Variants in DLG2 observed in about 807,000 individuals in gnomAD.
DLG2 encodes the protein disks large homolog 2.
Under a neutral mutation model 132.5 loss-of-function variants are expected in DLG2, and 45 were observed. The ratio of observed to expected loss-of-function variants is 0.34; its 90% CI spans 0.27 to 0.44. DLG2 has a LOEUF of 0.44. Ranked by LOEUF, DLG2 falls within the 20% of genes least tolerant of loss-of-function variation. DLG2 has a pLI of 1.00. For missense variants in DLG2, 1,045 were observed against 1,196.9 expected (o/e 0.87, Z 1.87); for synonymous variants, 424 against 419.6 (o/e 1.01, Z -0.13).
chr11:84,824,523 T>G (rs139011509), intron 6 of DLG2, among the ~76,000 whole-genome samples: 1 of 151,864 alleles, frequency 6.6e-6, no homozygotes, highest in Non-Finnish European at 1.5e-5. Flanking sequence ...CTTGAGAAGG[T>G]TGCTTTTTAT....
chr11:85,201,384 G>C (rs1176287064), intron 4 of DLG2, among the ~76,000 whole-genome samples: 1 of 152,096 alleles, frequency 6.6e-6, no homozygotes, highest in African/African-American at 2.4e-5. Context: ...CTGTGCTGGA[G>C]CCTACATGTA....
At chr11:85,300,070 T>C (rs2079491913) in intron 3 of DLG2, among the ~76,000 whole-genome samples, 1 of 152,208 alleles carries the variant, frequency 6.6e-6, no homozygotes, top group African/African-American at 2.4e-5. Context: ...TTCTTAAGTA[T>C]TGACTGTGTG....
intron 9 of DLG2, among the ~76,000 whole-genome samples, chr11:84,119,899 A>G (rs1159138800): frequency 6.6e-6 from 1 of 152,220 alleles, no homozygotes. Flanking sequence ...AATTCCTCTG[A>G]TATGAAATGC....
At chr11:84,211,349 C>CTATTATACT (rs2096752031) in intron 8 of DLG2, among the ~76,000 whole-genome samples, 1 of 152,212 alleles carries the variant, frequency 6.6e-6, no homozygotes, top group African/African-American at 2.4e-5. Context: ...ACCTCCTTCC[C>CTATTATACT]TGCTCAGATT....
chr11:84,500,019 A>G (rs2099198607), intron 7 of DLG2, among the ~76,000 whole-genome samples: 1 of 152,110 alleles, frequency 6.6e-6, no homozygotes, highest in Non-Finnish European at 1.5e-5. Flanking sequence ...ATTTTTCTGG[A>G]GATACGGAGA....
chr11:84,603,896 T>G (rs1231818702), intron 6 of DLG2, among the ~76,000 whole-genome samples: 1 of 151,902 alleles, frequency 6.6e-6, no homozygotes, highest in Non-Finnish European at 1.5e-5. Flanking sequence ...AAACAAATAT[T>G]CAATAATACA....
intron 11 of DLG2, among the ~76,000 whole-genome samples, chr11:83,988,845 T>C (rs2093523103): frequency 6.6e-6 from 1 of 152,166 alleles, no homozygotes; most frequent in South Asian, 2.1e-4. Context: ...CCTGCTCTAG[T>C]TTTCATTTTC....
intron 7 of DLG2, among the ~76,000 whole-genome samples, chr11:84,435,046 T>C (rs1313967905): frequency 1.3e-5 from 2 of 152,080 alleles, no homozygotes; most frequent in African/African-American, 4.8e-5. Context: ...AGTATACTGG[T>C]CATTTTCTAA....
intron 18 of DLG2, among the ~76,000 whole-genome samples, chr11:83,656,833 C>T (rs560750972): frequency 1.3e-5 from 2 of 152,308 alleles, no homozygotes; most frequent in South Asian, 2.1e-4. Context: ...TTGTCAACCC[C>T]TTTGCTTAGC....
intron 15 of DLG2, among the ~76,000 whole-genome samples, chr11:83,927,282 G>A (rs1053503570): frequency 6.6e-6 from 1 of 152,146 alleles, no homozygotes; most frequent in African/African-American, 2.4e-5. Flanking sequence ...CGCTTACAGT[G>A]TAGCAGGTGA....
intron 19 of DLG2, among the ~76,000 whole-genome samples, chr11:83,624,035 G>A (rs2062079097): frequency 2.0e-5 from 3 of 152,344 alleles, no homozygotes; most frequent in Middle Eastern, 3.4e-3. Flanking sequence ...TGGGATTAGT[G>A]GAGAGGTAAG....
At chr11:83,742,274 T>C (rs936011131) in intron 18 of DLG2, among the ~76,000 whole-genome samples, 1 of 151,626 alleles carries the variant, frequency 6.6e-6, no homozygotes, top group African/African-American at 2.4e-5. Context: ...GCTATGTTAA[T>C]TTGACTGACT....
intron 6 of DLG2, among the ~76,000 whole-genome samples, chr11:84,664,073 G>A (rs1262510068): frequency 1.3e-5 from 2 of 152,138 alleles, no homozygotes; most frequent in Non-Finnish European, 2.9e-5. Flanking sequence ...TATACCTTAA[G>A]AGGCTTCCTT....
chr11:83,632,172 T>A (rs187136338), intron 19 of DLG2: 134 of 152,312 alleles, frequency 8.8e-4, no homozygotes, highest in African/African-American at 3.1e-3. Context: ...AGAATCCCAC[T>A]CCCTTCTTAG....
At chr11:85,136,744 G>A (rs2076166474) in intron 5 of DLG2, among the ~76,000 whole-genome samples, 1 of 152,086 alleles carries the variant, frequency 6.6e-6, no homozygotes, top group African/African-American at 2.4e-5. Flanking sequence ...GTTTCCAACA[G>A]GGAAAAATAT....
intron 6 of DLG2, among the ~76,000 whole-genome samples, chr11:84,840,595 T>C (rs2080501949): frequency 6.6e-6 from 1 of 152,156 alleles, no homozygotes; most frequent in Non-Finnish European, 1.5e-5. Flanking sequence ...CCAACCCAAA[T>C]GTCAATCAAT....
At chr11:85,370,063 T>A (rs1297636927) in intron 3 of DLG2, among the ~76,000 whole-genome samples, 4 of 152,192 alleles carry the variant, frequency 2.6e-5, no homozygotes, top group African/African-American at 9.7e-5. Flanking sequence ...GGTTTTTGGG[T>A]TTTGAAAAGT....
At chr11:84,912,981 T>G (rs113084910) in intron 6 of DLG2, among the ~76,000 whole-genome samples, 1 of 152,110 alleles carries the variant, frequency 6.6e-6, no homozygotes, top group Admixed American at 6.5e-5. Context: ...CCAGTCACAA[T>G]GTTTCCCGGG....
At chr11:85,415,153 T>G (rs1234175464) in intron 3 of DLG2, among the ~76,000 whole-genome samples, 1 of 152,184 alleles carries the variant, frequency 6.6e-6, no homozygotes, top group Non-Finnish European at 1.5e-5. Flanking sequence ...GAATGATGGT[T>G]TCCAGCTTCA....
Sources: allele counts gnomAD v4.1 joint callset (sites outside exome capture counted in the v4.1 genomes callset), GRCh38; gene constraint gnomAD v4.1.1; transcripts MANE v1.5; gene names NCBI Gene and HGNC (gene_info 2026-07-23, HGNC 2026-07-21).